GDAP1: variants seen among roughly 807,000 people sequenced by gnomAD.
GDAP1 encodes ganglioside induced differentiation associated protein 1.
GDAP1 carries 34 observed loss-of-function variants against 40.1 expected under a neutral mutation model. The observed-to-expected ratio is 0.85, with a 90% CI of 0.64 to 1.13. The LOEUF is 1.13. Among genes scored for constraint, GDAP1 ranks in the 50% most tolerant of loss-of-function variants. GDAP1 has a pLI of 0.00. For missense variants in GDAP1, 374 were observed against 433.7 expected, an observed-to-expected ratio of 0.86 and a Z score of 1.22; for synonymous variants, 170 against 157.4, an observed-to-expected ratio of 1.08 and a Z score of -0.60.
chr8:74,427,973 A>G (rs1184224027), intron 2 of GDAP1, among the ~76,000 whole-genome samples: 1 of 152,218 alleles, frequency 6.6e-6, no homozygotes, highest in African/African-American at 2.4e-5. Flanking sequence ...TTTTTAAGAA[A>G]TGTTTTTAAG....
chr8:74,403,982 G>C (rs1805603145), intron 2 of GDAP1, among the ~76,000 whole-genome samples: 1 of 150,026 alleles, frequency 6.7e-6, no homozygotes, highest in Admixed American at 6.6e-5. Flanking sequence ...AAAGATCATA[G>C]GATAGTATTT....
intron 3 of GDAP1, among the ~76,000 whole-genome samples, chr8:74,360,603 A>T (rs149071543): frequency 6.6e-6 from 1 of 152,328 alleles, no homozygotes; most frequent in East Asian, 1.9e-4. Context: ...AGAATATAAC[A>T]TGTTCTCATG....
chr8:74,415,198 A>G (rs1346235469), intron 2 of GDAP1, among the ~76,000 whole-genome samples: 1 of 150,312 alleles, frequency 6.7e-6, no homozygotes, highest in Admixed American at 6.6e-5. Flanking sequence ...AAAACTTGAT[A>G]TATTAGGAAT....
At chr8:74,356,716 A>ATATATATATATTTTTTTTTTTTTTTTTTT in intron 2 of GDAP1, among the ~76,000 whole-genome samples, 1 of 104,338 alleles carries the variant, frequency 9.6e-6, no homozygotes, top group African/African-American at 4.1e-5. Context: ...ATATATATAT[A>ATATATATATATTTTTTTTTTTTTTTTTTT]TTTTTTTTTT....
rs1196856693 is a variant in GDAP1, at chr8:74,365,409, G to A, written c.*1042G>A. On this transcript the variant is annotated 3_prime_UTR_variant, in exon 6 of 6. Transcript: ENST00000220822. ...TCACTGATGTATGTTTAAGGGATTT[G>A]GGGGGGATACCTCAGTTCATGTGGA... The A allele has an allele frequency of 2.2e-6, 1 of 453,688 alleles. No homozygotes were observed. The highest frequency in any genetic ancestry group is 6.9e-4 in the Middle Eastern group (1 of 1,444). 28.1% of individuals were successfully genotyped at this position (453,688 alleles called of 1,614,324 possible).
At chr8:74,402,547 G>A (rs1473662535) in intron 2 of GDAP1, among the ~76,000 whole-genome samples, 2 of 150,144 alleles carry the variant, frequency 1.3e-5, no homozygotes, top group African/African-American at 5.1e-5. Context: ...CTCGCGCATG[G>A]TGCGCTGCAC....
At chr8:74,468,955 A>G (rs1171729690) in intron 2 of GDAP1, among the ~76,000 whole-genome samples, 1 of 152,130 alleles carries the variant, frequency 6.6e-6, no homozygotes, top group Non-Finnish European at 1.5e-5. Context: ...TACTTACATT[A>G]TTAATTATTA....
At chr8:74,395,955 A>G (rs1417145851) in intron 2 of GDAP1, among the ~76,000 whole-genome samples, 2 of 152,214 alleles carry the variant, frequency 1.3e-5, no homozygotes, top group African/African-American at 4.8e-5. Flanking sequence ...CGTACGGTGA[A>G]GTTAAAAAGG....
At chr8:74,399,909 G>A (rs1363992205) in intron 2 of GDAP1, among the ~76,000 whole-genome samples, 1 of 144,658 alleles carries the variant, frequency 6.9e-6, no homozygotes, top group African/African-American at 2.8e-5. Flanking sequence ...ACTGTCGTCT[G>A]AGAGACAGTT....
At chr8:74,382,618 T>A (rs557764115) in intron 2 of GDAP1, among the ~76,000 whole-genome samples, 6 of 152,256 alleles carry the variant, frequency 3.9e-5, no homozygotes, top group African/African-American at 1.4e-4. Flanking sequence ...TTTTAAATTC[T>A]CTTTATCTGT....
chr8:74,354,060 A>C (rs1808996808), intron 2 of GDAP1, among the ~76,000 whole-genome samples: 1 of 152,222 alleles, frequency 6.6e-6, no homozygotes, highest in Admixed American at 6.5e-5. Context: ...TGTGGAATAA[A>C]GGAGCAAATA....
At chr8:74,484,673 T>C (rs1165959566) in intron 2 of GDAP1, among the ~76,000 whole-genome samples, 1 of 152,110 alleles carries the variant, frequency 6.6e-6, no homozygotes, top group Non-Finnish European at 1.5e-5. Flanking sequence ...TCCTGGGAAC[T>C]GGCAAAAATG....
At chr8:74,393,585 A>G (rs1049729870) in intron 2 of GDAP1, among the ~76,000 whole-genome samples, 3 of 152,232 alleles carry the variant, frequency 2.0e-5, no homozygotes, top group African/African-American at 7.2e-5. Flanking sequence ...AAGGGGCAGA[A>G]ATTTAAAAAG....
intron 2 of GDAP1, among the ~76,000 whole-genome samples, chr8:74,411,161 C>G (rs2131553840): frequency 6.7e-6 from 1 of 150,162 alleles, no homozygotes; most frequent in East Asian, 1.9e-4. Flanking sequence ...TTTCCTGAGG[C>G]CTCCCCAGCC....
chr8:74,407,144 A>G (rs1449945539), intron 2 of GDAP1, among the ~76,000 whole-genome samples: 1 of 150,048 alleles, frequency 6.7e-6, no homozygotes, highest in African/African-American at 2.5e-5. Context: ...AATCAGAAAA[A>G]TTGTGATCTG....
intron 2 of GDAP1, among the ~76,000 whole-genome samples, chr8:74,421,423 T>C (rs1805856315): frequency 6.6e-6 from 1 of 152,064 alleles, no homozygotes; most frequent in Admixed American, 6.6e-5. Context: ...GAGAACTTAG[T>C]ATTGGCTCCC....
chr8:74,466,131 A>G (rs1016681854), intron 2 of GDAP1, among the ~76,000 whole-genome samples: 3 of 152,226 alleles, frequency 2.0e-5, no homozygotes, highest in Non-Finnish European at 4.4e-5. Context: ...TGCTTAAATC[A>G]TGCTTAAAAT....
chr8:74,432,384 C>T (rs1409277852), intron 2 of GDAP1, among the ~76,000 whole-genome samples: 2 of 152,072 alleles, frequency 1.3e-5, no homozygotes, highest in Non-Finnish European at 2.9e-5. Flanking sequence ...TACAATAGTG[C>T]TGTTACCCTT....
At chr8:74,401,566 C>T (rs1810340452) in intron 2 of GDAP1, among the ~76,000 whole-genome samples, 1 of 149,802 alleles carries the variant, frequency 6.7e-6, no homozygotes, top group Non-Finnish European at 1.5e-5. Context: ...CAAAGTCATT[C>T]TCCGTCCAGC....
Sources: gnomAD v4.1 joint callset for allele counts (sites outside exome capture counted in the v4.1 genomes callset) on GRCh38, gnomAD v4.1.1 for gene constraint, MANE v1.5 for transcripts, NCBI Gene and HGNC (gene_info 2026-07-23, HGNC 2026-07-21) for gene names.